Variants in TMEM176A observed in about 807,000 individuals in gnomAD.
The protein encoded by TMEM176A is transmembrane protein 176A.
In TMEM176A, 20 loss-of-function variants were observed where a neutral mutation model predicts 27.9. That is an observed-to-expected ratio of 0.72 (90% CI 0.50 to 1.04). TMEM176A has a LOEUF of 1.04. TMEM176A is among the 50% of genes least tolerant of loss of function. TMEM176A has a pLI of 0.00. For missense variants in TMEM176A, 252 were observed against 289.1 expected (o/e 0.87, Z 0.93); for synonymous variants, 125 against 118.0 (o/e 1.06, Z -0.38).
chr7:150,803,293 C>A, intron 3 of TMEM176A, 107 bp from the exon 4 acceptor site: 2 of 1,446,270 alleles, frequency 1.4e-6, no homozygotes, highest in Non-Finnish European at 1.8e-6. Context: ...AGCATGAAAC[C>A]TCCCGCCCAA....
chr7:150,804,250 C>T (rs1294567983), intron 5 of TMEM176A, 112 bp from the exon 6 acceptor site: 31 of 827,006 alleles, frequency 3.7e-5, no homozygotes, highest in Middle Eastern at 3.4e-4. Flanking sequence ...CCAGAAGCCA[C>T]GAACTTGGAG....
chr7:150,800,855 C>T (rs979387738), intron 1 of TMEM176A, 27 bp downstream of exon 1: 26 of 948,384 alleles, frequency 2.7e-5, no homozygotes, highest in African/African-American at 3.5e-5. Flanking sequence ...CTCCCGGCGG[C>T]CCCCGGGCCT....
chr7:150,802,451 T>A (rs1798831418), intron 3 of TMEM176A, 126 bp downstream of exon 3: 1 of 864,666 alleles, frequency 1.2e-6, no homozygotes. Flanking sequence ...TCTAGGACCA[T>A]TCCCTGCCTG....
chr7:150,801,846 C>G, intron 2 of TMEM176A, 122 bp downstream of exon 2: 2 of 1,025,504 alleles, frequency 2.0e-6, no homozygotes, highest in Admixed American at 2.9e-5. Context: ...TCTTACTTAG[C>G]GATGTGATTC....
chr7:150,802,650 G>C (rs373388782), intron 3 of TMEM176A: 8 of 998,670 alleles, frequency 8.0e-6, no homozygotes, highest in Non-Finnish European at 1.0e-5. Context: ...AAGGCAGAGC[G>C]TTCCAGATAG....
chr7:150,802,746 T>A, intron 3 of TMEM176A: 5 of 1,009,380 alleles, frequency 5.0e-6, no homozygotes, highest in Non-Finnish European at 4.7e-6. Context: ...CAGGAATTGT[T>A]GTCAACAGAT....
Position 150,801,611 on chromosome 7 carries a change from G to A in TMEM176A, c.61G>A (p.Val21Met). ...GGCCCCACAGCACACCCACATCGAT[G>A]TGCACATCCACCAGGAGTCTGCCCT... ...PEAPQHTHID[V>M]HIHQESALAK... is the part of the protein sequence containing the mutation. The change falls in exon 2 of 7, where the codon GTG (valine) becomes ATG (methionine). Residue 21 changes from valine to methionine, a missense_variant. Physicochemically the swap from Val to Met is conservative, Grantham distance 21. Coordinates refer to ENST00000004103, the MANE Select transcript of TMEM176A (RefSeq NM_018487.3). 6.2e-7 allele frequency: 1 copy of A among 1,613,660 alleles called. No homozygotes were observed. Among genetic ancestry groups the A allele is most frequent in the Non-Finnish European group, 8.5e-7 (1 of 1,179,970 alleles).
Position 150,801,703 on chromosome 7 carries a change from C to T in TMEM176A, c.153C>T (p.Ser51=). ...RPRATQARGS[S]RLLVASWVMQ... ...GGGCCACCCAGGCCAGGGGCAGCAG[C>T]CGGCTGCTGGTGGCCTCGTGGGTGA... is the stretch of plus-strand genomic sequence containing the variant. Residue 51 remains serine, a synonymous_variant, in exon 2 of 7, where the codon AGC becomes AGT. Coordinates refer to ENST00000004103, the MANE Select transcript of TMEM176A (RefSeq NM_018487.3). 6.4e-7 allele frequency: 1 copy of T among 1,554,478 alleles called. No individual in the cohort carries two copies. The highest frequency in any genetic ancestry group is 2.3e-5 in the East Asian group (1 of 43,310).
In TMEM176A at chr7:150,804,987, G is replaced by T; in HGVS notation, c.*119G>T. ...CTCTTCAACAGCCCCAGTTATCCTG[G>T]CCCCATGACCGTGGCCACAGCCCTG... On this transcript the variant is annotated 3_prime_UTR_variant, in exon 7 of 7. Transcript: ENST00000004103. 1 of 1,098,176 alleles carries T rather than the reference G, an allele frequency of 9.1e-7. No individual in the cohort carries two copies. 68.0% of individuals were successfully genotyped at this position (1,098,176 alleles called of 1,614,324 possible). A position where few individuals can be genotyped will look rare whatever the true frequency, so the allele number is the denominator to read the frequency against.
rs201144318 is a variant in TMEM176A, at chr7:150,804,798, C to T, written c.667-29C>T. On this transcript the variant is annotated intron_variant, in intron 6 of 6. Coordinates refer to ENST00000004103, the MANE Select transcript of TMEM176A (RefSeq NM_018487.3). ...GACTCCGCCCTTTCTCTCCCACTCACGATTGTCTTGCCTTTCCTCTTCCAT... is the reference window on the plus strand; with the variant it reads ...GACTCCGCCCTTTCTCTCCCACTCATGATTGTCTTGCCTTTCCTCTTCCAT... 191 of 1,613,904 alleles carry T rather than the reference C, an allele frequency of 1.2e-4. No individual in the cohort carries two copies. In the Middle Eastern group the frequency reaches 1.3e-3, roughly 11 times the overall value.
rs563766350 is a variant in TMEM176A at position 150,801,607 on chromosome 7, C to T, written c.57C>T (p.Ile19=). Residue 19 remains isoleucine (I), a synonymous_variant, in exon 2 of 7, where the codon ATC becomes ATT. Coordinates refer to ENST00000004103, the MANE Select transcript of TMEM176A (RefSeq NM_018487.3). The part of the protein sequence containing the change: ...MAPEAPQHTH[I]DVHIHQESAL... ...CGGAGGCCCCACAGCACACCCACATCGATGTGCACATCCACCAGGAGTCTG... is the reference window on the plus strand; with the variant it reads ...CGGAGGCCCCACAGCACACCCACATTGATGTGCACATCCACCAGGAGTCTG... The T allele has an allele frequency of 3.6e-5, 58 of 1,613,632 alleles. No individual in the cohort carries two copies. Among genetic ancestry groups the T allele is most frequent in the South Asian group, 3.0e-4 (27 of 91,082 alleles).
chr7:150,804,964 C>T lies in TMEM176A; in HGVS notation c.*96C>T. 1.5e-6 allele frequency: 2 copies of T among 1,315,458 alleles called. No individual in the cohort carries two copies. The allele number at this position is 1,315,458 out of a possible 1,614,324, so 81.5% of individuals were successfully genotyped here. On this transcript the variant is annotated 3_prime_UTR_variant, in exon 7 of 7. Transcript: ENST00000004103. The stretch of plus-strand genomic sequence containing the variant: ...AGAACCAGACTGAGGAAAAGAGGCT[C>T]TTCAACAGCCCCAGTTATCCTGGCC...
chr7:150,804,697 T>C (rs1031737067), intron 6 of TMEM176A, 130 bp from the exon 7 acceptor site: 2 of 1,046,644 alleles, frequency 1.9e-6, no homozygotes, highest in African/African-American at 3.1e-5. Context: ...GAAGTCCATA[T>C]CCATGCTATG....
In TMEM176A at chr7:150,801,589, C is replaced by T. The variant is rs775841363; in HGVS notation, c.39C>T (p.Ala13=). ...TADSDEMAPE[A]PQHTHIDVHI... ...ACAGTGATGAGATGGCCCCGGAGGC[C>T]CCACAGCACACCCACATCGATGTGC... Residue 13 remains alanine, a synonymous_variant, in exon 2 of 7, where the codon GCC becomes GCT. Coordinates refer to ENST00000004103, the MANE Select transcript of TMEM176A (RefSeq NM_018487.3). The T allele has an allele frequency of 1.2e-5, 20 of 1,612,406 alleles. No individual in the cohort carries two copies. The highest frequency in any genetic ancestry group is 6.7e-5 in the Admixed American group (4 of 59,632).
chr7:150,802,897 A>G (rs2116738913), intron 3 of TMEM176A: 5 of 988,652 alleles, frequency 5.1e-6, no homozygotes, highest in Non-Finnish European at 6.0e-6. Flanking sequence ...ACCCAGCTTA[A>G]TTACAGAATT....
chr7:150,802,880 G>A, intron 3 of TMEM176A: 3 of 988,018 alleles, frequency 3.0e-6, no homozygotes, highest in Non-Finnish European at 3.6e-6. Flanking sequence ...CCAGCCTGTG[G>A]CAAAATACCC....
At chr7:150,803,551 T>C in intron 4 of TMEM176A, 69 bp from the exon 5 acceptor site, 1 of 1,592,258 alleles carries the variant, frequency 6.3e-7, no homozygotes, top group Non-Finnish European at 8.6e-7. Flanking sequence ...GCCTTGCCCT[T>C]TTTTCCCCCG....
chr7:150,801,069 G>C, intron 1 of TMEM176A: 1 of 897,872 alleles, frequency 1.1e-6, no homozygotes, highest in Non-Finnish European at 1.3e-6. Flanking sequence ...TCGGTGGAGC[G>C]GGAGGTCGGC....
intron 5 of TMEM176A, 102 bp from the exon 6 acceptor site, chr7:150,804,260 G>A (rs892705818): frequency 2.5e-5 from 23 of 921,858 alleles, no homozygotes; most frequent in Non-Finnish European, 4.0e-5. Context: ...CGAACTTGGA[G>A]ATAAAGGGGT....
Sources: allele counts gnomAD v4.1 joint callset, GRCh38; gene constraint gnomAD v4.1.1; transcripts MANE v1.5; gene names NCBI Gene and HGNC (gene_info 2026-07-23, HGNC 2026-07-21).